The following IFT80 variants were observed in gnomAD, a reference collection of about 807,000 sequenced individuals.
The protein encoded by IFT80 is intraflagellar transport 80.
A neutral mutation model predicts 107.9 loss-of-function variants in IFT80; 79 were observed. The ratio of observed to expected loss-of-function variants is 0.73; its 90% CI spans 0.61 to 0.88. The LOEUF (loss-of-function observed/expected upper bound fraction) is 0.88, where lower values mean the gene tolerates loss of function less well. Among genes scored for constraint, IFT80 ranks in the 40% least tolerant of loss-of-function variants. The probability of loss-of-function intolerance (pLI) is 0.00; values close to 1 mark genes in which losing one functional copy is unlikely to be tolerated. For synonymous variants in IFT80, 299 were observed against 300.9 expected, an observed-to-expected ratio of 0.99 and a Z score of 0.07; for missense variants, 797 against 914.2, an observed-to-expected ratio of 0.87 and a Z score of 1.65.
intron 8 of IFT80, among the ~76,000 whole-genome samples, chr3:160,327,813 G>A (rs1322921787): frequency 3.9e-5 from 6 of 151,990 alleles, no homozygotes; most frequent in Non-Finnish European, 8.8e-5. Flanking sequence ...AAAAGCAATT[G>A]CAACAAAAAC....
At chr3:160,351,969 C>G (rs1720738886) in intron 8 of IFT80, among the ~76,000 whole-genome samples, 1 of 151,340 alleles carries the variant, frequency 6.6e-6, no homozygotes, top group African/African-American at 2.4e-5. Context: ...GATTCATATA[C>G]TATCAACATT....
At chr3:160,291,675 C>T (rs371230498) in intron 12 of IFT80, among the ~76,000 whole-genome samples, 7 of 152,254 alleles carry the variant, frequency 4.6e-5, no homozygotes, top group African/African-American at 1.7e-4. Flanking sequence ...TTTATTAACT[C>T]GCAGGCCATG....
chr3:160,380,632 G>A (rs1436676329), intron 3 of IFT80, among the ~76,000 whole-genome samples: 3 of 151,914 alleles, frequency 2.0e-5, no homozygotes, highest in Non-Finnish European at 4.4e-5. Context: ...TGAAACAGCA[G>A]GTAAAGTATA....
At chr3:160,324,006 C>T (rs1210114608) in intron 8 of IFT80, among the ~76,000 whole-genome samples, 6 of 152,108 alleles carry the variant, frequency 3.9e-5, no homozygotes, top group Admixed American at 6.6e-5. Context: ...AACACCTCTA[C>T]ACAAATAAAC....
intron 12 of IFT80, among the ~76,000 whole-genome samples, chr3:160,298,862 A>G (rs1478735390): frequency 6.6e-6 from 1 of 152,184 alleles, no homozygotes; most frequent in Non-Finnish European, 1.5e-5. Flanking sequence ...TGTGTACCTA[A>G]CCACGTCTAA....
rs1953511 is a variant in IFT80 at position 160,267,662 on chromosome 3, A to G, written c.2223+751T>C. ...AAGTGGCTATAATCAGTTATGCTCT[A>G]GGCAATGGGGCAAACTCATTCTGGG... On this transcript the variant is annotated intron_variant, in intron 19 of 19. Transcript: ENST00000326448. Among the ~76,000 whole-genome samples the G allele has an allele frequency of 1.4e-4, 21 of 152,308 alleles. No individual in the cohort carries two copies. In the East Asian group the frequency reaches 3.5e-3, roughly 25 times the overall value.
intron 3 of IFT80, among the ~76,000 whole-genome samples, chr3:160,379,007 T>C (rs1712261713): frequency 6.6e-6 from 1 of 152,184 alleles, no homozygotes; most frequent in Admixed American, 6.5e-5. Flanking sequence ...AAGTATCTTT[T>C]CATAAATTAT....
At chr3:160,368,672 A>G (rs1225310259) in intron 5 of IFT80, among the ~76,000 whole-genome samples, 1 of 151,972 alleles carries the variant, frequency 6.6e-6, no homozygotes, top group East Asian at 1.9e-4. Flanking sequence ...CAGATATTTC[A>G]AATGTAGTTC....
intron 5 of IFT80, among the ~76,000 whole-genome samples, chr3:160,374,158 A>T (rs1309019271): frequency 6.6e-6 from 1 of 152,090 alleles, no homozygotes; most frequent in Non-Finnish European, 1.5e-5. Context: ...AAGAATTCAA[A>T]TCTTCAGACT....
At chr3:160,310,206 G>A (rs1717142709) in intron 9 of IFT80, among the ~76,000 whole-genome samples, 1 of 152,146 alleles carries the variant, frequency 6.6e-6, no homozygotes, top group South Asian at 2.1e-4. Context: ...TACAAAAGAA[G>A]CCTGAAACAT....
intron 5 of IFT80, among the ~76,000 whole-genome samples, chr3:160,369,452 G>A (rs1043918280): frequency 6.6e-6 from 1 of 151,608 alleles, no homozygotes; most frequent in African/African-American, 2.4e-5. Flanking sequence ...TTAAACTACT[G>A]TACATATAAA....
chr3:160,265,760 C>CA (rs1368499792), intron 19 of IFT80, among the ~76,000 whole-genome samples: 9 of 152,096 alleles, frequency 5.9e-5, no homozygotes, highest in African/African-American at 1.9e-4. Context: ...TATAAATTTC[C>CA]AGATGGTATG....
intron 14 of IFT80, among the ~76,000 whole-genome samples, chr3:160,281,656 T>C (rs80217089): frequency 0.033 from 5,082 of 152,282 alleles, 137 homozygotes; most frequent in Non-Finnish European, 0.05. Context: ...GGCTCACACA[T>C]GACTAACAGG....
At chr3:160,337,757 T>A (rs1389431519) in intron 8 of IFT80, among the ~76,000 whole-genome samples, 1 of 152,224 alleles carries the variant, frequency 6.6e-6, no homozygotes, top group Non-Finnish European at 1.5e-5. Flanking sequence ...CTGATTTTCT[T>A]CTTTATAAGT....
chr3:160,385,089 A>G (rs922200229), intron 1 of IFT80, among the ~76,000 whole-genome samples: 3 of 152,216 alleles, frequency 2.0e-5, no homozygotes, highest in Non-Finnish European at 4.4e-5. Context: ...TAGTGGCCCA[A>G]TCTGGGGTTG....
At chr3:160,261,245 C>T (rs1712799622) in intron 19 of IFT80, among the ~76,000 whole-genome samples, 2 of 151,978 alleles carry the variant, frequency 1.3e-5, no homozygotes, top group Admixed American at 1.3e-4. Context: ...ACTAAAACCA[C>T]CTTCGGCTGT....
intron 18 of IFT80, 50 bp downstream of exon 18, chr3:160,277,256 T>C (rs1166008685): frequency 6.6e-7 from 1 of 1,518,232 alleles, no homozygotes; most frequent in Non-Finnish European, 9.1e-7. Context: ...GATGGAAAAA[T>C]ACATTAAGGT....
chr3:160,362,708 T>G (rs1445907033), intron 6 of IFT80, among the ~76,000 whole-genome samples: 2 of 151,700 alleles, frequency 1.3e-5, no homozygotes, highest in Non-Finnish European at 3.0e-5. Flanking sequence ...ATGCAAGGGA[T>G]TCAACATACG....
intron 12 of IFT80, among the ~76,000 whole-genome samples, chr3:160,294,834 T>C (rs776369803): frequency 1.5e-4 from 23 of 152,214 alleles, no homozygotes; most frequent in Non-Finnish European, 2.6e-4. Context: ...GTATCTCCAG[T>C]AAGCCCCCTA....
Sources: gnomAD v4.1 joint callset for allele counts (sites outside exome capture counted in the v4.1 genomes callset) on GRCh38, gnomAD v4.1.1 for gene constraint, MANE v1.5 for transcripts, NCBI Gene and HGNC (gene_info 2026-07-23, HGNC 2026-07-21) for gene names.